The following FOXP1 variants were observed in gnomAD, a reference collection of about 807,000 sequenced individuals.
FOXP1 encodes forkhead box P1.
Under a neutral mutation model 98.2 loss-of-function variants are expected in FOXP1, and 15 were observed. The ratio of observed to expected loss-of-function variants is 0.15; its 90% confidence interval spans 0.10 to 0.24. FOXP1 has a LOEUF of 0.24. Ranked by LOEUF, FOXP1 falls within the 10% of genes least tolerant of loss-of-function variation. The pLI is 1.00. For synonymous variants in FOXP1, 371 were observed against 314.5 expected (o/e 1.18, Z -1.90); for missense variants, 633 against 848.5 (o/e 0.75, Z 3.15).
At chr3:71,231,413 C>G (rs1185487493) in intron 5 of FOXP1, among the ~76,000 whole-genome samples, 3 of 151,926 alleles carry the variant, frequency 2.0e-5, no homozygotes, top group East Asian at 3.9e-4. Context: ...AAGACAGAAC[C>G]AATCCACCTA....
chr3:71,519,107 G>A (rs1260260120), intron 2 of FOXP1, among the ~76,000 whole-genome samples: 3 of 152,126 alleles, frequency 2.0e-5, no homozygotes, highest in Non-Finnish European at 4.4e-5. Flanking sequence ...TTAGCCAGAT[G>A]TGGTGGCACA....
intron 6 of FOXP1, among the ~76,000 whole-genome samples, chr3:71,149,578 T>G (rs1446265891): frequency 6.6e-6 from 1 of 152,192 alleles, no homozygotes; most frequent in Non-Finnish European, 1.5e-5. Context: ...TTTTTAAAAC[T>G]ACATTTATGC....
chr3:71,548,428 C>T (rs762042311), intron 2 of FOXP1, among the ~76,000 whole-genome samples: 48 of 152,002 alleles, frequency 3.2e-4, no homozygotes, highest in Non-Finnish European at 5.6e-4. Context: ...TATTTTAAGA[C>T]AGGGTCTTGT....
chr3:71,205,213 G>A (rs1442254464), intron 5 of FOXP1, among the ~76,000 whole-genome samples: 2 of 152,056 alleles, frequency 1.3e-5, no homozygotes, highest in Non-Finnish European at 2.9e-5. Flanking sequence ...ATTAATTTCC[G>A]AATTGACAAA....
At chr3:71,198,418 G>A in intron 5 of FOXP1, 26 bp from the exon 6 acceptor site, 1 of 691,396 alleles carries the variant, frequency 1.4e-6, no homozygotes, top group Non-Finnish European at 2.6e-6. Flanking sequence ...CCAAGATGGG[G>A]GGAGGGAGGG....
intron 4 of FOXP1, among the ~76,000 whole-genome samples, chr3:71,345,870 G>GGAAAAAAAAAAAA (rs2077311601): frequency 1.1e-4 from 1 of 9,042 alleles, no homozygotes; most frequent in Non-Finnish European, 3.4e-4. Flanking sequence ...TAAAGTTTTT[G>GGAAAAAAAAAAAA]TAAAAAAAAA....
At chr3:71,055,744 G>C (rs963434989) in intron 7 of FOXP1, among the ~76,000 whole-genome samples, 2 of 152,184 alleles carry the variant, frequency 1.3e-5, no homozygotes, top group Non-Finnish European at 2.9e-5. Flanking sequence ...TATCACAATA[G>C]AAGTTTACTT....
At chr3:71,047,850 A>T (rs2049241488) in intron 9 of FOXP1, among the ~76,000 whole-genome samples, 1 of 152,196 alleles carries the variant, frequency 6.6e-6, no homozygotes, top group South Asian at 2.1e-4. Context: ...TTACGATATG[A>T]TAAATATCTT....
chr3:71,167,006 A>G (rs942480106), intron 6 of FOXP1, among the ~76,000 whole-genome samples: 3 of 152,084 alleles, frequency 2.0e-5, no homozygotes, highest in African/African-American at 7.2e-5. Flanking sequence ...GACAGGCAGA[A>G]TCAATCAATC....
At chr3:71,358,197 T>A (rs1263548533) in intron 4 of FOXP1, among the ~76,000 whole-genome samples, 2 of 152,234 alleles carry the variant, frequency 1.3e-5, no homozygotes, top group Non-Finnish European at 2.9e-5. Context: ...ACTCTCAGAT[T>A]CTGATGATTA....
In FOXP1 at chr3:71,344,684, A is replaced by G. The variant is rs2077216703; in HGVS notation, c.-73+14466T>C. Reference sequence around the variant, plus strand: ...AAACCCCCTGTGCACTAAAAATACAAAAAAATTAGCCAGGCATAGTGGCAT... The same window carrying G: ...AAACCCCCTGTGCACTAAAAATACAGAAAAATTAGCCAGGCATAGTGGCAT... On this transcript the variant is annotated intron_variant, in intron 4 of 20. Transcript: ENST00000649528. Among the ~76,000 whole-genome samples the G allele has an allele frequency of 3.9e-5, 6 of 152,080 alleles. No homozygotes were observed. The South Asian group carries it at 1.2e-3, about 32-fold the overall frequency.
At chr3:71,261,166 C>T (rs1444091636) in intron 5 of FOXP1, among the ~76,000 whole-genome samples, 1 of 152,082 alleles carries the variant, frequency 6.6e-6, no homozygotes, top group Non-Finnish European at 1.5e-5. Flanking sequence ...TAAAGTAATA[C>T]AGGCCTCTCG....
chr3:71,276,971 T>C (rs1389836516), intron 5 of FOXP1, among the ~76,000 whole-genome samples: 1 of 151,120 alleles, frequency 6.6e-6, no homozygotes, highest in African/African-American at 2.4e-5. Flanking sequence ...TTTTTTTTTT[T>C]TTTTAGAGAC....
chr3:71,354,210 G>A (rs916542216), intron 4 of FOXP1, among the ~76,000 whole-genome samples: 5 of 151,632 alleles, frequency 3.3e-5, no homozygotes, highest in African/African-American at 9.7e-5. Flanking sequence ...ACCCAGGAGC[G>A]GAGGTTATGG....
intron 2 of FOXP1, chr3:71,542,076 T>A (rs1168883423): frequency 1.9e-6 from 1 of 523,822 alleles, no homozygotes; most frequent in Non-Finnish European, 3.9e-6. Flanking sequence ...TTAAACTGGC[T>A]TATATATCAA....
chr3:71,479,543 G>A (rs950592918), intron 3 of FOXP1, among the ~76,000 whole-genome samples: 1 of 151,894 alleles, frequency 6.6e-6, no homozygotes, highest in Admixed American at 6.6e-5. Flanking sequence ...GCCAGGCGTG[G>A]TGGCGGACGC....
chr3:71,396,299 G>C (rs2081365620), intron 3 of FOXP1, among the ~76,000 whole-genome samples: 1 of 152,144 alleles, frequency 6.6e-6, no homozygotes, highest in Non-Finnish European at 1.5e-5. Context: ...GGTGCCCGAT[G>C]ATTGCAACCA....
chr3:71,541,596 C>T (rs1235383566), intron 2 of FOXP1, among the ~76,000 whole-genome samples: 1 of 152,004 alleles, frequency 6.6e-6, no homozygotes, highest in African/African-American at 2.4e-5. Flanking sequence ...AGCTGCACAA[C>T]AGATACAGCA....
intron 6 of FOXP1, among the ~76,000 whole-genome samples, chr3:71,134,890 A>G (rs1575947198): frequency 6.6e-6 from 1 of 152,308 alleles, no homozygotes; most frequent in Non-Finnish European, 1.5e-5. Context: ...TGAAACAAAA[A>G]TAACTGCATA....
Sources: allele counts gnomAD v4.1 joint callset (sites outside exome capture counted in the v4.1 genomes callset), GRCh38; gene constraint gnomAD v4.1.1; transcripts MANE v1.5; gene names NCBI Gene and HGNC (gene_info 2026-07-23, HGNC 2026-07-21).